Variants in PALS2 observed in about 807,000 individuals in gnomAD.
PALS2 encodes the protein protein associated with LIN7 2, MAGUK p55 family member.
In PALS2, 27 loss-of-function variants were observed where a neutral mutation model predicts 61.6. The observed-to-expected ratio is 0.44, with a 90% CI of 0.32 to 0.60. PALS2 has a LOEUF of 0.60. PALS2 is among the 20% of genes least tolerant of loss of function. PALS2 has a pLI of 0.05. For synonymous variants in PALS2, 236 were observed against 218.6 expected (o/e 1.08, Z -0.70); for missense variants, 554 against 639.4 (o/e 0.87, Z 1.44).
chr7:24,670,465 T>C (rs1787241365), intron 9 of PALS2, among the ~76,000 whole-genome samples: 1 of 152,160 alleles, frequency 6.6e-6, no homozygotes, highest in Non-Finnish European at 1.5e-5. Flanking sequence ...TATCCTGGGT[T>C]GAAGCTGTTG....
chr7:24,666,652 A>G (rs1261647991), intron 8 of PALS2, among the ~76,000 whole-genome samples: 2 of 152,196 alleles, frequency 1.3e-5, no homozygotes, highest in African/African-American at 4.8e-5. Context: ...TGATCGAGGT[A>G]ATCATTCACA....
intron 1 of PALS2, among the ~76,000 whole-genome samples, chr7:24,588,793 A>ATTGTG (rs1296024515): frequency 2.0e-5 from 3 of 152,184 alleles, no homozygotes; most frequent in Admixed American, 2.0e-4. Flanking sequence ...ATTTGGCTTT[A>ATTGTG]TTGTTTTGGT....
intron 2 of PALS2, among the ~76,000 whole-genome samples, chr7:24,632,980 C>A (rs36124669): frequency 0.14 from 20,959 of 151,884 alleles, 1,931 homozygotes; most frequent in East Asian, 0.47. Flanking sequence ...TAACATCATA[C>A]CACTTACAGT....
chr7:24,655,331 A>G (rs962559510), intron 5 of PALS2, among the ~76,000 whole-genome samples: 4 of 152,212 alleles, frequency 2.6e-5, no homozygotes, highest in African/African-American at 9.6e-5. Context: ...TAAAATAACT[A>G]TATAAAGAGT....
At chr7:24,682,253 G>A (rs36115416) in intron 11 of PALS2, among the ~76,000 whole-genome samples, 12,204 of 152,180 alleles carry the variant, frequency 0.08, 690 homozygotes, top group Non-Finnish European at 0.11. Flanking sequence ...GGCTAAGGGG[G>A]AATAGGTACC....
At chr7:24,657,292 G>T (rs967159710) in intron 5 of PALS2, among the ~76,000 whole-genome samples, 1 of 152,150 alleles carries the variant, frequency 6.6e-6, no homozygotes, top group South Asian at 2.1e-4. Flanking sequence ...TGACTAAACC[G>T]TTTTCAAAAG....
At chr7:24,577,575 T>A (rs1379125110) in intron 1 of PALS2, among the ~76,000 whole-genome samples, 1 of 152,164 alleles carries the variant, frequency 6.6e-6, no homozygotes, top group Non-Finnish European at 1.5e-5. Flanking sequence ...ACCCTCTTCC[T>A]CCACTTTTTG....
At chr7:24,680,241 A>G (rs1488742402) in intron 10 of PALS2, 151 bp from the exon 11 acceptor site, 4 of 662,884 alleles carry the variant, frequency 6.0e-6, no homozygotes, top group Non-Finnish European at 7.0e-6. Context: ...AAAGTACTAT[A>G]TGGAATGAGA....
intron 11 of PALS2, among the ~76,000 whole-genome samples, chr7:24,685,741 A>G (rs1387310852): frequency 6.6e-6 from 1 of 151,892 alleles, no homozygotes; most frequent in Non-Finnish European, 1.5e-5. Flanking sequence ...TCTGTGATCA[A>G]AGATATTTTA....
chr7:24,590,589 T>C (rs544917177), intron 1 of PALS2, among the ~76,000 whole-genome samples: 1 of 152,228 alleles, frequency 6.6e-6, no homozygotes, highest in South Asian at 2.1e-4. Flanking sequence ...CCAACTTCCT[T>C]ATTGTCTTCC....
intron 1 of PALS2, among the ~76,000 whole-genome samples, chr7:24,579,565 ATTCCCCTTTC>A (rs1356530058): frequency 6.6e-6 from 1 of 152,006 alleles, no homozygotes; most frequent in African/African-American, 2.4e-5. Flanking sequence ...CATCTTCTCC[ATTCCCCTTTC>A]TTCTACCCCA....
At position 24,692,014 on chromosome 7, in the gene PALS2, T is replaced by A. The variant is rs1490408428; in HGVS notation, c.*4400T>A. 3 of 150,638 alleles carry A rather than the reference T, an allele frequency of 2.0e-5. No individual in the cohort carries two copies. Among genetic ancestry groups the A allele is most frequent in the African/African-American group, 7.3e-5 (3 of 41,312 alleles). The allele number at this position is 150,638 out of a possible 1,614,324, so 9.3% of individuals were successfully genotyped here. A position where few individuals can be genotyped will look rare whatever the true frequency, so the allele number is the denominator to read the frequency against. On this transcript the variant is annotated 3_prime_UTR_variant, in exon 12 of 12. Transcript: ENST00000222644. ...CCTGAGGAAGATGACAGTTCTATAA[T>A]TTTTTTAAGGTAAGGTTATTTTTAA...
At chr7:24,613,150 TTTCTG>T (rs952558054) in intron 1 of PALS2, among the ~76,000 whole-genome samples, 1 of 151,778 alleles carries the variant, frequency 6.6e-6, no homozygotes, top group African/African-American at 2.4e-5. Flanking sequence ...CTTTCAGTCT[TTTCTG>T]TTTTGTTTTA....
At chr7:24,665,162 T>C (rs925970145) in intron 6 of PALS2, among the ~76,000 whole-genome samples, 5 of 152,200 alleles carry the variant, frequency 3.3e-5, no homozygotes, top group African/African-American at 1.2e-4. Flanking sequence ...ATCTACACTT[T>C]ATATTCCACA....
At chr7:24,627,899 C>T (rs1004350663) in intron 2 of PALS2, among the ~76,000 whole-genome samples, 2 of 152,038 alleles carry the variant, frequency 1.3e-5, no homozygotes, top group Non-Finnish European at 2.9e-5. Flanking sequence ...CAAAAAAAGC[C>T]CAGGACCAGA....
chr7:24,665,915 A>G, intron 7 of PALS2, 106 bp from the exon 8 acceptor site: 1 of 1,152,952 alleles, frequency 8.7e-7, no homozygotes, highest in Admixed American at 2.2e-5. Flanking sequence ...GCTTCCTAGG[A>G]TGCCACATTG....
chr7:24,582,732 TTCTA>T (rs772497240), intron 1 of PALS2, among the ~76,000 whole-genome samples: 8 of 151,958 alleles, frequency 5.3e-5, no homozygotes, highest in Non-Finnish European at 1.2e-4. Flanking sequence ...TTTAATATCC[TTCTA>T]TCTTCTATCC....
chr7:24,622,683 CTT>C (rs70942815), intron 1 of PALS2, among the ~76,000 whole-genome samples: 38 of 135,620 alleles, frequency 2.8e-4, no homozygotes, highest in Non-Finnish European at 3.8e-4. Context: ...TTTCTTTTTT[CTT>C]TTTTTTTTTT....
rs1393815639 is a variant in PALS2, at chr7:24,576,683, C to G, written c.-3+3090C>G. Among the ~76,000 whole-genome samples, 5 of 152,138 alleles carry G rather than the reference C, an allele frequency of 3.3e-5. No homozygotes were observed. The East Asian group carries it at 9.6e-4, about 29-fold the overall frequency. On this transcript the variant is annotated intron_variant, in intron 1 of 11. Transcript: ENST00000222644. ...GAAGCAGTGTAGGTTTAATTGCTTGCTTAGAGTACACAGATATTAGTTGTC... is the reference window on the plus strand; with the variant it reads ...GAAGCAGTGTAGGTTTAATTGCTTGGTTAGAGTACACAGATATTAGTTGTC...
Sources: allele counts gnomAD v4.1 joint callset (sites outside exome capture counted in the v4.1 genomes callset), GRCh38; gene constraint gnomAD v4.1.1; transcripts MANE v1.5; gene names NCBI Gene and HGNC (gene_info 2026-07-23, HGNC 2026-07-21).